The following LIPC variants were observed in gnomAD, a reference collection of about 807,000 sequenced individuals.
LIPC encodes the protein hepatic triacylglycerol lipase.
Under a neutral mutation model 50.7 loss-of-function variants are expected in LIPC, and 44 were observed. The observed-to-expected ratio is 0.87, with a 90% confidence interval of 0.68 to 1.11. The LOEUF (loss-of-function observed/expected upper bound fraction) is 1.11. Among genes scored for constraint, LIPC ranks in the 50% most tolerant of loss-of-function variants. The pLI is 0.00. For synonymous variants in LIPC, 271 were observed against 256.4 expected (o/e 1.06, Z -0.54); for missense variants, 697 against 648.2 (o/e 1.08, Z -0.82).
chr15:58,469,015 C>T (rs950670978), intron 1 of LIPC, among the ~76,000 whole-genome samples: 5 of 151,870 alleles, frequency 3.3e-5, no homozygotes, highest in Non-Finnish European at 7.4e-5. Context: ...GATCTGAAAA[C>T]GTCATGATGA....
intron 1 of LIPC, among the ~76,000 whole-genome samples, chr15:58,500,756 C>T (rs1319883716): frequency 1.7e-3 from 244 of 146,164 alleles, no homozygotes; most frequent in African/African-American, 5.9e-3. Context: ...CCTCTCCCCC[C>T]ACCACCCCCC....
Position 58,548,316 on chromosome 15 carries a change from GC to G in LIPC, c.809-11del. On this transcript the variant is annotated splice_polypyrimidine_tract_variant and intron_variant, in intron 5 of 8. Coordinates refer to ENST00000299022, the MANE Select transcript of LIPC (RefSeq NM_000236.3). ...GTTAAGGGGTGATAACGTCCTTCTT[GC>G]CCTGTGTTCCAGCCATCACCCAGAC... The G allele has an allele frequency of 6.2e-7, 1 of 1,613,924 alleles. No homozygotes were observed. The highest frequency in any genetic ancestry group is 1.1e-5 in the South Asian group (1 of 91,064).
intron 1 of LIPC, among the ~76,000 whole-genome samples, chr15:58,464,767 G>GT (rs1255060638): frequency 6.6e-6 from 1 of 152,226 alleles, no homozygotes; most frequent in Non-Finnish European, 1.5e-5. Context: ...GAGGTCAGGG[G>GT]TTCAAAACTA....
intron 1 of LIPC, among the ~76,000 whole-genome samples, chr15:58,511,664 T>C (rs1892333739): frequency 6.6e-6 from 1 of 152,236 alleles, no homozygotes; most frequent in South Asian, 2.1e-4. Context: ...TAAAAGTTGA[T>C]GTCACTTAAT....
At chr15:58,488,214 G>A (rs548608234) in intron 1 of LIPC, among the ~76,000 whole-genome samples, 83 of 152,324 alleles carry the variant, frequency 5.4e-4, no homozygotes, top group Non-Finnish European at 9.0e-4. Flanking sequence ...GAGGTGGCAT[G>A]AGCCAAGATC....
chr15:58,561,483 C>T (rs1328805350), intron 7 of LIPC, among the ~76,000 whole-genome samples: 2 of 152,112 alleles, frequency 1.3e-5, no homozygotes, highest in African/African-American at 4.8e-5. Context: ...GCAGAAGAAG[C>T]CTCCAGGTAG....
intron 1 of LIPC, among the ~76,000 whole-genome samples, chr15:58,524,691 C>T (rs1289166655): frequency 6.6e-6 from 1 of 152,142 alleles, no homozygotes; most frequent in African/African-American, 2.4e-5. Context: ...TGTCAAAGGG[C>T]CATTCATATT....
chr15:58,494,206 G>A (rs1891689373), intron 1 of LIPC, among the ~76,000 whole-genome samples: 1 of 152,252 alleles, frequency 6.6e-6, no homozygotes, highest in African/African-American at 2.4e-5. Context: ...GCTCCACAAT[G>A]GAAGGCCTAG....
intron 4 of LIPC, 27 bp downstream of exon 4, chr15:58,542,678 T>C (rs1404009319): frequency 2.1e-6 from 3 of 1,441,866 alleles, no homozygotes; most frequent in East Asian, 2.3e-5. Context: ...ACTCACACAC[T>C]GATCTCCACT....
chr15:58,467,012 T>C (rs1894591957), intron 1 of LIPC, among the ~76,000 whole-genome samples: 2 of 152,250 alleles, frequency 1.3e-5, no homozygotes, highest in African/African-American at 4.8e-5. Flanking sequence ...TTATAGATTA[T>C]ACAGCATTCC....
chr15:58,515,855 A>T (rs2140866010), intron 1 of LIPC, among the ~76,000 whole-genome samples: 1 of 152,292 alleles, frequency 6.6e-6, no homozygotes, highest in East Asian at 1.9e-4. Flanking sequence ...GATAGAGGAA[A>T]GACACTTTTG....
Position 58,456,783 on chromosome 15 carries a change from G to T in LIPC, c.88+24663G>T, listed in dbSNP as rs181425666. Among the ~76,000 whole-genome samples, 131 of 152,354 alleles carry T rather than the reference G, an allele frequency of 8.6e-4. 2 individuals carry two copies. In the East Asian group the frequency reaches 0.024, roughly 28 times the overall value. ...AATTGGGGAAAACGAGAGGTCCTCT[G>T]TCTTTTTAGGGCTTCACCACTGCTG... On this transcript the variant is annotated intron_variant, in intron 1 of 8. Coordinates refer to ENST00000299022, the MANE Select transcript of LIPC (RefSeq NM_000236.3).
intron 1 of LIPC, among the ~76,000 whole-genome samples, chr15:58,476,171 A>T (rs1455870104): frequency 6.6e-6 from 1 of 152,206 alleles, no homozygotes; most frequent in Non-Finnish European, 1.5e-5. Context: ...TTCAGCTCGG[A>T]AGTAGTGGAT....
intron 1 of LIPC, among the ~76,000 whole-genome samples, chr15:58,463,516 C>T (rs1183586668): frequency 1.3e-5 from 2 of 152,232 alleles, no homozygotes; most frequent in Admixed American, 6.5e-5. Context: ...CCCCTTTAAG[C>T]TACAGCACCC....
intron 1 of LIPC, among the ~76,000 whole-genome samples, chr15:58,475,361 T>C (rs1428309017): frequency 5.3e-5 from 8 of 152,230 alleles, no homozygotes; most frequent in Non-Finnish European, 1.2e-4. Context: ...GTGGCCTCCA[T>C]AGAAAAGGCA....
At chr15:58,518,209 C>G (rs530917045) in intron 1 of LIPC, among the ~76,000 whole-genome samples, 100 of 152,316 alleles carry the variant, frequency 6.6e-4, no homozygotes, top group African/African-American at 2.4e-3. Context: ...GTTTTGACAA[C>G]CAAAACTATC....
intron 6 of LIPC, among the ~76,000 whole-genome samples, chr15:58,558,509 T>C (rs938213462): frequency 2.0e-5 from 3 of 152,202 alleles, no homozygotes; most frequent in Non-Finnish European, 4.4e-5. Flanking sequence ...AGTGGGCAAT[T>C]AGGATCCGGG....
chr15:58,460,038 G>C (rs956770278), intron 1 of LIPC, among the ~76,000 whole-genome samples: 2 of 152,250 alleles, frequency 1.3e-5, no homozygotes, highest in African/African-American at 2.4e-5. Flanking sequence ...AAGGCTGTAT[G>C]GGTCCCGTAC....
chr15:58,433,880 T>A (rs1236717505), intron 1 of LIPC, among the ~76,000 whole-genome samples: 3 of 152,232 alleles, frequency 2.0e-5, no homozygotes, highest in Non-Finnish European at 4.4e-5. Flanking sequence ...CAGAATCTCT[T>A]GGCAGAATTC....
Sources: allele counts gnomAD v4.1 joint callset (sites outside exome capture counted in the v4.1 genomes callset), GRCh38; gene constraint gnomAD v4.1.1; transcripts MANE v1.5; gene names NCBI Gene and HGNC (gene_info 2026-07-23, HGNC 2026-07-21).